Variants in KIAA1671 observed in about 807,000 individuals in gnomAD.
KIAA1671 encodes KIAA1671.
Under a neutral mutation model 131.2 loss-of-function variants are expected in KIAA1671, and 52 were observed. The observed-to-expected ratio is 0.40, with a 90% CI of 0.32 to 0.50. The LOEUF (loss-of-function observed/expected upper bound fraction) is 0.50. KIAA1671 is among the 20% of genes least tolerant of loss of function. The pLI, the probability that KIAA1671 is intolerant of heterozygous loss-of-function variation, is 0.73. For missense variants in KIAA1671, 2,360 were observed against 2,364.2 expected (o/e 1.00, Z 0.04); for synonymous variants, 1,003 against 961.6 (o/e 1.04, Z -0.80).
At chr22:25,093,737 A>G (rs6004435) in intron 6 of KIAA1671, among the ~76,000 whole-genome samples, 1 of 30,138 alleles carries the variant, frequency 3.3e-5, no homozygotes. Context: ...ACACACACAC[A>G]CTCTCTCTCT....
In KIAA1671 at chr22:25,161,496, C is replaced by T. The variant is rs1045098285; in HGVS notation, c.4531-9324C>T. Among the ~76,000 whole-genome samples the T allele has an allele frequency of 6.6e-5, 10 of 152,182 alleles. No individual in the cohort carries two copies. The East Asian group carries it at 1.3e-3, about 20-fold the overall frequency. On this transcript the variant is annotated intron_variant, in intron 6 of 12. Coordinates refer to ENST00000358431, the MANE Select transcript of KIAA1671 (RefSeq NM_001145206.2). Reference sequence around the variant, plus strand: ...GATGGTGCCTTGTGTGTGTGAGGATCGCGTGGCCAAATCAGAACAGATGAG... The same window carrying T: ...GATGGTGCCTTGTGTGTGTGAGGATTGCGTGGCCAAATCAGAACAGATGAG...
intron 1 of KIAA1671, chr22:25,011,149 T>A (rs1479818198): frequency 6.6e-6 from 1 of 151,758 alleles, no homozygotes; most frequent in Non-Finnish European, 1.5e-5. Flanking sequence ...GCTAATCTTT[T>A]TTTTTTTTTT....
At chr22:25,043,838 T>C (rs1469860584) in intron 5 of KIAA1671, among the ~76,000 whole-genome samples, 2 of 152,136 alleles carry the variant, frequency 1.3e-5, no homozygotes, top group Non-Finnish European at 2.9e-5. Flanking sequence ...AGCACCGCCC[T>C]GTGTGATGTG....
chr22:25,005,433 C>T (rs1013159897), intron 1 of KIAA1671, among the ~76,000 whole-genome samples: 7 of 151,690 alleles, frequency 4.6e-5, no homozygotes, highest in Non-Finnish European at 5.9e-5. Flanking sequence ...TAGAGATTTT[C>T]CTAGTGCTTG....
At chr22:25,059,621 T>G (rs552838367) in intron 6 of KIAA1671, 2 of 152,270 alleles carry the variant, frequency 1.3e-5, no homozygotes, top group African/African-American at 4.8e-5. Flanking sequence ...CTTGGCCTGG[T>G]GGCAGGGGAA....
At chr22:25,177,617 G>A in intron 9 of KIAA1671, 95 bp downstream of exon 9, 2 of 1,090,356 alleles carry the variant, frequency 1.8e-6, no homozygotes, top group Non-Finnish European at 2.6e-6. Context: ...TTGGAAGGCT[G>A]TAGATCATTA....
Position 25,041,356 on chromosome 22 carries a change from A to C in KIAA1671, c.4226A>C (p.Tyr1409Ser), listed in dbSNP as rs1012199092. 9 of 1,551,514 alleles carry C rather than the reference A, an allele frequency of 5.8e-6. No homozygotes were observed. The highest frequency in any genetic ancestry group is 2.0e-5 in the Admixed American group (1 of 50,976). The change falls in exon 5 of 13, where the codon TAC (tyrosine) becomes TCC (serine). Residue 1409 changes from tyrosine (Y) to serine (S), a missense_variant. This residue lies in a region of KIAA1671 where 1,161 missense variants were observed against 1,204.7 expected (regional missense o/e 0.96). Coordinates refer to ENST00000358431, the MANE Select transcript of KIAA1671 (RefSeq NM_001145206.2). ...GTGCCGCTGGATATCAAGAGGGCCT[A>C]CTCAGAGAAGGGGCCCCCTGCCAAC... Reference protein sequence around the residue: ...GRVPLDIKRAYSEKGPPANIR... With the variant: ...GRVPLDIKRASSEKGPPANIR...
chr22:25,089,216 T>C (rs575464298), intron 6 of KIAA1671, among the ~76,000 whole-genome samples: 21 of 151,622 alleles, frequency 1.4e-4, no homozygotes, highest in Admixed American at 4.6e-4. Context: ...GTGGGGGTCC[T>C]GGAACCAATC....
intron 1 of KIAA1671, among the ~76,000 whole-genome samples, chr22:24,981,088 G>GTT (rs555493516): frequency 0.025 from 3,703 of 149,082 alleles, 77 homozygotes; most frequent in Non-Finnish European, 0.039. Context: ...GTGTGTGTGT[G>GTT]TTTTTACTGT....
chr22:24,957,556 C>T (rs145495706), intron 1 of KIAA1671, among the ~76,000 whole-genome samples: 16 of 152,168 alleles, frequency 1.1e-4, no homozygotes, highest in African/African-American at 3.1e-4. Flanking sequence ...CATGTCCCCC[C>T]GGGACCTCAG....
chr22:25,114,839 A>G (rs1931574009), intron 6 of KIAA1671, among the ~76,000 whole-genome samples: 1 of 152,188 alleles, frequency 6.6e-6, no homozygotes, highest in African/African-American at 2.4e-5. Context: ...ATTACTTAAG[A>G]GTTTGGGACA....
chr22:25,001,243 GTGTGTGTGTA>G (rs771251884), intron 1 of KIAA1671, among the ~76,000 whole-genome samples: 2 of 144,614 alleles, frequency 1.4e-5, no homozygotes, highest in Non-Finnish European at 1.6e-5. Flanking sequence ...GTATATGTGT[GTGTGTGTGTA>G]TGTGTGTGTA....
chr22:25,150,102 C>T (rs1159464518), intron 6 of KIAA1671, among the ~76,000 whole-genome samples: 1 of 152,252 alleles, frequency 6.6e-6, no homozygotes, highest in Non-Finnish European at 1.5e-5. Context: ...TTCTGTCATA[C>T]AGTAGGTGCT....
At position 25,156,803 on chromosome 22, in the gene KIAA1671, A is replaced by C. The variant is rs145431348; in HGVS notation, c.4531-14017A>C. Among the ~76,000 whole-genome samples the C allele has an allele frequency of 9.1e-4, 138 of 152,298 alleles. 1 individual carries two copies. Among genetic ancestry groups the C allele is most frequent in the African/African-American group, 3.1e-3 (129 of 41,564 alleles). On this transcript the variant is annotated intron_variant, in intron 6 of 12. Coordinates refer to ENST00000358431, the MANE Select transcript of KIAA1671 (RefSeq NM_001145206.2). Reference sequence around the variant, plus strand: ...GTGACATTGGAATGTCATCATTCCCATAGAACACAGCTGAGTTGGTGGCAG... The same window carrying C: ...GTGACATTGGAATGTCATCATTCCCCTAGAACACAGCTGAGTTGGTGGCAG...
At chr22:25,112,517 C>G (rs1267445594) in intron 6 of KIAA1671, 1 of 397,904 alleles carries the variant, frequency 2.5e-6, no homozygotes, top group African/African-American at 2.1e-5. Context: ...CTCCTCCCCT[C>G]CAGTCCTCCC....
chr22:24,981,062 C>CTG (rs35906863), intron 1 of KIAA1671, among the ~76,000 whole-genome samples: 33,362 of 148,758 alleles, frequency 0.22, 3,867 homozygotes, highest in Middle Eastern at 0.31. Context: ...TTGTTATTTT[C>CTG]TGTGTGTGTG....
chr22:25,096,855 T>G (rs534398949), intron 6 of KIAA1671, among the ~76,000 whole-genome samples: 33 of 152,362 alleles, frequency 2.2e-4, no homozygotes, highest in African/African-American at 6.0e-4. Context: ...GACATGCACG[T>G]GAACGGAGCC....
At chr22:24,979,166 TTG>T (rs1301499586) in intron 1 of KIAA1671, among the ~76,000 whole-genome samples, 2 of 130,774 alleles carry the variant, frequency 1.5e-5, no homozygotes, top group African/African-American at 6.4e-5. Flanking sequence ...TGGCTAATTT[TTG>T]TATTTTTTTT....
intron 6 of KIAA1671, among the ~76,000 whole-genome samples, chr22:25,124,438 TCTG>T (rs1196703219): frequency 6.6e-6 from 1 of 152,244 alleles, no homozygotes; most frequent in African/African-American, 2.4e-5. Context: ...TTTGGTATCT[TCTG>T]CTGTTCTTTC....
Sources: allele counts gnomAD v4.1 joint callset (sites outside exome capture counted in the v4.1 genomes callset), GRCh38; gene constraint gnomAD v4.1.1; regional missense constraint gnomAD v4.1.1; transcripts MANE v1.5; gene names NCBI Gene and HGNC (gene_info 2026-07-23, HGNC 2026-07-21).